Variants in DBF4B observed in about 807,000 individuals in gnomAD.
The protein encoded by DBF4B is DBF4B-CDC7 kinase regulatory subunit.
In DBF4B, 49 loss-of-function variants were observed where a neutral mutation model predicts 53.4. The ratio of observed to expected loss-of-function variants is 0.92; its 90% CI spans 0.73 to 1.16. The LOEUF is 1.16. DBF4B is among the 50% of genes most tolerant of loss of function. DBF4B has a pLI of 0.00. For synonymous variants in DBF4B, 257 were observed against 288.7 expected (o/e 0.89, Z 1.11); for missense variants, 692 against 775.0 (o/e 0.89, Z 1.27).
Position 44,708,766 on chromosome 17 carries a change from T to C in DBF4B, c.-55T>C. On this transcript the variant is annotated 5_prime_UTR_variant, in exon 1 of 14. An upstream open reading frame in the 5' UTR loses its in-frame stop. Coordinates refer to ENST00000315005, the MANE Select transcript of DBF4B (RefSeq NM_145663.3). ...GAAGAGCTCATGGAGCTCGCGAATG[T>C]AATACGGAGGCCTCTGAGGAAGGAG... is the stretch of plus-strand genomic sequence containing the variant. 6.5e-7 allele frequency: 1 copy of C among 1,544,738 alleles called. No individual in the cohort carries two copies. Among genetic ancestry groups the C allele is most frequent in the Non-Finnish European group, 8.7e-7 (1 of 1,142,986 alleles).
chr17:44,710,280 T>C (rs926411131), intron 2 of DBF4B, among the ~76,000 whole-genome samples: 12 of 152,246 alleles, frequency 7.9e-5, no homozygotes, highest in Non-Finnish European at 1.5e-4. Context: ...TACTGAGTTA[T>C]TCATTCTTCC....
chr17:44,750,055 G>A (rs781599384), intron 13 of DBF4B: 4 of 999,314 alleles, frequency 4.0e-6, no homozygotes, highest in Middle Eastern at 5.1e-4. Context: ...GACCCCTCTC[G>A]CCCCTTCTCT....
chr17:44,712,935 C>T (rs188862566), intron 2 of DBF4B, among the ~76,000 whole-genome samples: 1 of 151,974 alleles, frequency 6.6e-6, no homozygotes, highest in African/African-American at 2.4e-5. Context: ...TCTGTCCTAC[C>T]ACTTCTCTGC....
chr17:44,732,431 A>G (rs1974920338), intron 6 of DBF4B, 166 bp downstream of exon 6: 1 of 760,184 alleles, frequency 1.3e-6, no homozygotes, highest in Non-Finnish European at 2.2e-6. Flanking sequence ...GGAAGGGGGA[A>G]AGCGGTGAGG....
chr17:44,733,880 G>A (rs754261132), intron 6 of DBF4B: 8 of 572,352 alleles, frequency 1.4e-5, no homozygotes, highest in East Asian at 2.9e-5. Context: ...CATGACACCC[G>A]CTCAGGTGCT....
intron 7 of DBF4B, 131 bp downstream of exon 7, chr17:44,734,294 C>G (rs75232460): frequency 0.033 from 36,647 of 1,118,346 alleles, 758 homozygotes; most frequent in Non-Finnish European, 0.038. Context: ...GGAATGCAGC[C>G]TCTTATTTAC....
In DBF4B at chr17:44,738,414, G is replaced by GA. The variant is rs1205619588; in HGVS notation, c.704dup (p.Asp235GlufsTer2). 3 of 1,613,614 alleles carry GA rather than the reference G, an allele frequency of 1.9e-6. No homozygotes were observed. The highest frequency in any genetic ancestry group is 1.7e-6 in the Non-Finnish European group (2 of 1,179,720). Reference sequence around the variant, plus strand: ...GAAGGCCCCGTTCCTCAAAATCGAAGATGAAAGCAGGTGAGTGGGACCTCC... The same window carrying GA: ...GAAGGCCCCGTTCCTCAAAATCGAAGAATGAAAGCAGGTGAGTGGGACCTCC... On this transcript the variant is annotated frameshift_variant, in exon 9 of 14. Coordinates refer to ENST00000315005, the MANE Select transcript of DBF4B (RefSeq NM_145663.3). LOFTEE classifies it high-confidence loss of function.
At chr17:44,748,226 C>A in intron 12 of DBF4B, 115 bp from the exon 13 acceptor site, 1 of 1,378,066 alleles carries the variant, frequency 7.3e-7, no homozygotes, top group Non-Finnish European at 9.9e-7. Context: ...TCAGAGAAGG[C>A]AGCTCTCTCG....
At chr17:44,718,401 C>T (rs1343480498) in intron 2 of DBF4B, among the ~76,000 whole-genome samples, 6 of 143,952 alleles carry the variant, frequency 4.2e-5, no homozygotes, top group Non-Finnish European at 7.5e-5. Flanking sequence ...CCAGCCTGGA[C>T]GACAGAGCAA....
At chr17:44,743,712 G>A (rs965033676) in intron 10 of DBF4B, among the ~76,000 whole-genome samples, 3 of 148,598 alleles carry the variant, frequency 2.0e-5, no homozygotes, top group African/African-American at 5.0e-5. Context: ...CCAGGTTCAC[G>A]CGATTCTCCT....
At chr17:44,709,241 G>A in intron 1 of DBF4B, 63 bp from the exon 2 acceptor site, 1 of 1,602,012 alleles carries the variant, frequency 6.2e-7, no homozygotes, top group Non-Finnish European at 8.6e-7. Flanking sequence ...AGTAGTGGGC[G>A]GGAGGCATGG....
chr17:44,748,690 T>G, intron 13 of DBF4B: 1 of 1,435,056 alleles, frequency 7.0e-7, no homozygotes, highest in Non-Finnish European at 9.2e-7. Context: ...CCTGGCACTT[T>G]TTGGCCACAA....
At chr17:44,736,766 A>C in intron 7 of DBF4B, 64 bp from the exon 8 acceptor site, 1 of 1,586,644 alleles carries the variant, frequency 6.3e-7, no homozygotes, top group Non-Finnish European at 8.6e-7. Flanking sequence ...TTGGCTTATC[A>C]GGCCCAGTTC....
At chr17:44,746,704 A>C (rs912681314) in intron 10 of DBF4B, among the ~76,000 whole-genome samples, 1 of 151,868 alleles carries the variant, frequency 6.6e-6, no homozygotes, top group African/African-American at 2.4e-5. Context: ...CTGTAATCCC[A>C]GCTACTCTGG....
intron 13 of DBF4B, chr17:44,748,754 G>C: frequency 7.4e-7 from 1 of 1,342,344 alleles, no homozygotes; most frequent in Non-Finnish European, 9.8e-7. Flanking sequence ...GGGGCCTCCT[G>C]GCCACAGGCT....
At chr17:44,740,423 A>T (rs995763530) in intron 9 of DBF4B, among the ~76,000 whole-genome samples, 1 of 152,136 alleles carries the variant, frequency 6.6e-6, no homozygotes, top group Non-Finnish European at 1.5e-5. Context: ...AATCTCTTAA[A>T]TGTTTGCAAC....
chr17:44,713,332 C>T (rs562175181), intron 2 of DBF4B, among the ~76,000 whole-genome samples: 4 of 149,948 alleles, frequency 2.7e-5, no homozygotes, highest in East Asian at 4.0e-4. Flanking sequence ...TGAGCCACCA[C>T]GCCCCGCCGA....
chr17:44,732,977 AAC>A lies in DBF4B; in HGVS notation c.556+715_556+716del, dbSNP rs1169495771. ...TCAGGATATCGAGACCATCCTGGCTAACACGGTGAAACCCCTTTTCTACTAAA... is the reference window on the plus strand; with the variant it reads ...TCAGGATATCGAGACCATCCTGGCTAACGGTGAAACCCCTTTTCTACTAAA... On this transcript the variant is annotated intron_variant, in intron 6 of 13. Transcript: ENST00000315005. 5.9e-5 allele frequency: 9 copies of A among 152,254 alleles called. No homozygotes were observed. The East Asian group carries it at 1.5e-3, about 26-fold the overall frequency. 9.4% of individuals were successfully genotyped at this position (152,254 alleles called of 1,614,324 possible). A position where few individuals can be genotyped will look rare whatever the true frequency, so the allele number is the denominator to read the frequency against.
At position 44,723,041 on chromosome 17, in the gene DBF4B, T is replaced by G; in HGVS notation, c.225+19T>G. On this transcript the variant is annotated intron_variant, in intron 3 of 13. Coordinates refer to ENST00000315005, the MANE Select transcript of DBF4B (RefSeq NM_145663.3). ...GGGTGGGGTAGGTAACCTGCTCTTC[T>G]CCTGCGATGCCATGTGCCTTTGCAG... 6.2e-7 allele frequency: 1 copy of G among 1,613,398 alleles called. No homozygotes were observed. Among genetic ancestry groups the G allele is most frequent in the Non-Finnish European group, 8.5e-7 (1 of 1,179,670 alleles).
Sources: gnomAD v4.1 joint callset for allele counts (sites outside exome capture counted in the v4.1 genomes callset) on GRCh38, gnomAD v4.1.1 for gene constraint, MANE v1.5 for transcripts, NCBI Gene and HGNC (gene_info 2026-07-23, HGNC 2026-07-21) for gene names.